Variants in DMD observed in about 807,000 individuals in gnomAD.
DMD encodes the protein dystrophin, also known as mutant dystrophin.
In DMD, 63 loss-of-function variants were observed where a neutral mutation model predicts 330.1. That is an observed-to-expected ratio of 0.19 (90% confidence interval 0.16 to 0.24). DMD has a LOEUF of 0.24. Among genes scored for constraint, DMD ranks in the 10% least tolerant of loss-of-function variants. The probability of loss-of-function intolerance (pLI) is 1.00; values close to 1 mark genes in which losing one functional copy is unlikely to be tolerated. For synonymous variants in DMD, 1,223 were observed against 959.8 expected (o/e 1.27, Z -5.07); for missense variants, 3,344 against 2,684.1 (o/e 1.25, Z -5.43).
chrX:31,872,520 C>T (rs929686451), intron 48 of DMD, among the ~76,000 whole-genome samples: 2 of 110,115 alleles, frequency 1.8e-5, no homozygotes, highest in Admixed American at 9.7e-5. Context: ...CCAAGGGATT[C>T]AAAAAAAAAT....
intron 17 of DMD, among the ~76,000 whole-genome samples, chrX:32,531,578 T>C (rs769780807): frequency 9.0e-6 from 1 of 111,719 alleles, no homozygotes; most frequent in Non-Finnish European, 1.9e-5. Context: ...AAACCTTGTA[T>C]GTTATCTGTA....
intron 1 of DMD, among the ~76,000 whole-genome samples, chrX:33,135,125 C>T (rs1285370379): frequency 2.7e-5 from 3 of 111,750 alleles, no homozygotes; most frequent in African/African-American, 9.8e-5. Flanking sequence ...TCATCATCTG[C>T]CTTTCATTTC....
At chrX:32,076,292 T>TGTTA (rs2096349492) in intron 44 of DMD, among the ~76,000 whole-genome samples, 1 of 108,605 alleles carries the variant, frequency 9.2e-6, no homozygotes, top group African/African-American at 3.3e-5. Context: ...GGGAAGGAGA[T>TGTTA]GTTACCTCTA....
intron 55 of DMD, among the ~76,000 whole-genome samples, chrX:31,619,453 A>G (rs1348712358): frequency 8.9e-6 from 1 of 112,004 alleles, no homozygotes; most frequent in Admixed American, 9.4e-5. Flanking sequence ...ATCCTATTAG[A>G]TTTACATCTT....
rs142354234 is a variant in DMD at position 32,352,265 on chromosome X, C to T, written c.5326-3737G>A. On this transcript the variant is annotated intron_variant, in intron 37 of 78. Transcript: ENST00000357033. The stretch of plus-strand genomic sequence containing the variant: ...ATTTTCTTAAAATTTTATAACCTTA[C>T]AGTAAGTTCTTGTCTCTAAATTCAA... 3.1e-3 allele frequency among the ~76,000 whole-genome samples: 343 copies of T among 110,597 alleles called. 10 individuals are homozygous for T. In the East Asian group the frequency reaches 0.082, roughly 26 times the overall value.
At chrX:32,868,856 T>A (rs2082726305) in intron 2 of DMD, among the ~76,000 whole-genome samples, 1 of 112,158 alleles carries the variant, frequency 8.9e-6, no homozygotes, top group Non-Finnish European at 1.9e-5. Flanking sequence ...CCCAGACAAG[T>A]GGGATTCCCC....
chrX:32,217,390 T>G (rs986906189), intron 43 of DMD, among the ~76,000 whole-genome samples: 1 of 111,815 alleles, frequency 8.9e-6, no homozygotes, highest in South Asian at 3.7e-4. Flanking sequence ...AAAAATATAT[T>G]TTTTTAATTC....
intron 7 of DMD, among the ~76,000 whole-genome samples, chrX:32,714,315 C>A (rs2065469273): frequency 1.8e-5 from 2 of 110,971 alleles, no homozygotes; most frequent in Non-Finnish European, 3.8e-5. Flanking sequence ...CATCTCTCAC[C>A]CCCTTCCCAC....
upstream of DMD, among the ~76,000 whole-genome samples, chrX:33,212,486 G>C (rs2051955709): frequency 1.8e-5 from 2 of 111,935 alleles, no homozygotes; most frequent in South Asian, 7.4e-4. Context: ...TTTAAAGAAA[G>C]ATATTCTTTT....
chrX:32,730,366 T>C (rs1307919283), intron 7 of DMD, among the ~76,000 whole-genome samples: 3 of 111,815 alleles, frequency 2.7e-5, no homozygotes, highest in Non-Finnish European at 5.6e-5. Context: ...TAAAATGTAA[T>C]GGTGCCATAA....
intron 11 of DMD, among the ~76,000 whole-genome samples, chrX:32,634,659 C>T (rs1336213195): frequency 8.9e-6 from 1 of 111,798 alleles, no homozygotes; most frequent in East Asian, 2.8e-4. Flanking sequence ...GAATGGGGAC[C>T]TCAAGACTCT....
intron 43 of DMD, among the ~76,000 whole-genome samples, chrX:32,232,636 A>G (rs942329551): frequency 1.8e-5 from 2 of 112,093 alleles, no homozygotes; most frequent in African/African-American, 3.2e-5. Context: ...TTGCTATTTT[A>G]TATTCTATCT....
intron 2 of DMD, among the ~76,000 whole-genome samples, chrX:32,876,148 T>C (rs2083361399): frequency 9.0e-6 from 1 of 111,609 alleles, no homozygotes; most frequent in Admixed American, 9.6e-5. Flanking sequence ...GTTTTGCTTA[T>C]TTCTATTTCT....
chrX:32,485,734 CTTTTTTTTTTT>C lies in DMD; in HGVS notation c.2623-646_2623-636del, dbSNP rs5902034. On this transcript the variant is annotated intron_variant, in intron 20 of 78. Transcript: ENST00000357033. Reference sequence around the variant, plus strand: ...CTCCTGACCAAACAGGCAACCACTGCTTTTTTTTTTTTTTTTTTTTTTTTTTGGGACAGAGT... The same window carrying C: ...CTCCTGACCAAACAGGCAACCACTGCTTTTTTTTTTTTTTTGGGACAGAGT... Among the ~76,000 whole-genome samples the C allele has an allele frequency of 5.8e-4, 21 of 36,153 alleles. No individual in the cohort carries two copies. In the South Asian group the frequency reaches 0.015, roughly 26 times the overall value. 31.4% of individuals were successfully genotyped at this position (36,153 alleles called of 115,157 possible).
At position 32,642,719 on chromosome X, in the gene DMD, TTAAC is replaced by T. The variant is rs1330819202; in HGVS notation, c.1331+1409_1331+1412del. ...CAACTCAATTTCACACAGCAATTAATTAACTGATTAGTATGAATAATTAATGCCA... is the reference window on the plus strand; with the variant it reads ...CAACTCAATTTCACACAGCAATTAATTGATTAGTATGAATAATTAATGCCA... On this transcript the variant is annotated intron_variant, in intron 11 of 78. Coordinates refer to ENST00000357033, the MANE Select transcript of DMD (RefSeq NM_004006.3). 8.0e-5 allele frequency among the ~76,000 whole-genome samples: 9 copies of T among 112,040 alleles called. No individual in the cohort carries two copies. In the Middle Eastern group the frequency reaches 0.014, roughly 171 times the overall value.
intron 7 of DMD, among the ~76,000 whole-genome samples, chrX:32,753,972 C>T (rs67258579): frequency 0.18 from 20,120 of 110,321 alleles, 1,950 homozygotes; most frequent in African/African-American, 0.38. Flanking sequence ...TTTAGCCTAT[C>T]ATGAAAAATT....
At chrX:31,373,668 T>C (rs1248262496) in intron 60 of DMD, among the ~76,000 whole-genome samples, 1 of 110,671 alleles carries the variant, frequency 9.0e-6, no homozygotes, top group Non-Finnish European at 1.9e-5. Flanking sequence ...CGAAAATTAA[T>C]TCAAGATGGA....
At chrX:31,469,756 A>C (rs949560560) in intron 59 of DMD, among the ~76,000 whole-genome samples, 2 of 111,899 alleles carry the variant, frequency 1.8e-5, no homozygotes, top group Non-Finnish European at 3.8e-5. Context: ...TAATAACCTG[A>C]AGAGTGTTTT....
chrX:31,622,867 T>C (rs1313249354), intron 55 of DMD, among the ~76,000 whole-genome samples: 1,122 of 82,937 alleles, frequency 0.014, 14 homozygotes, highest in African/African-American at 0.037. Flanking sequence ...TATATATATA[T>C]ATATATATAT....
Sources: allele counts gnomAD v4.1 joint callset (sites outside exome capture counted in the v4.1 genomes callset), GRCh38; gene constraint gnomAD v4.1.1; transcripts MANE v1.5; gene names NCBI Gene and HGNC (gene_info 2026-07-23, HGNC 2026-07-21).